FUT8: variants seen among roughly 807,000 people sequenced by gnomAD.
The protein encoded by FUT8 is alpha-(1,6)-fucosyltransferase.
A neutral mutation model predicts 71.3 loss-of-function variants in FUT8; 29 were observed. That is an observed-to-expected ratio of 0.41 (90% CI 0.30 to 0.55). FUT8 has a LOEUF of 0.55. Ranked by LOEUF, FUT8 falls within the 20% of genes least tolerant of loss-of-function variation. The pLI is 0.34. For synonymous variants in FUT8, 254 were observed against 239.3 expected (o/e 1.06, Z -0.57); for missense variants, 544 against 702.1 (o/e 0.77, Z 2.55).
chr14:65,425,152 G>GA (rs199838291), intron 1 of FUT8, among the ~76,000 whole-genome samples: 2 of 149,246 alleles, frequency 1.3e-5, no homozygotes, highest in East Asian at 3.9e-4. Flanking sequence ...AAAACAATTA[G>GA]AAAAAAAATG....
At position 65,738,094 on chromosome 14, in the gene FUT8, C is replaced by T. The variant is rs1896312760; in HGVS notation, c.1411-3999C>T. On this transcript the variant is annotated intron_variant, in intron 10 of 10. Coordinates refer to ENST00000673929, the MANE Select transcript of FUT8 (RefSeq NM_001371533.1). ...GAGCAGAAGACAAGAAAAGTATTTG[C>T]ATCCACAGAGGCTCTATCTAGCTTA... 2.6e-5 allele frequency among the ~76,000 whole-genome samples: 4 copies of T among 152,120 alleles called. No individual in the cohort carries two copies. The South Asian group carries it at 8.3e-4, about 32-fold the overall frequency.
At chr14:65,617,979 T>C (rs1002678686) in intron 5 of FUT8, among the ~76,000 whole-genome samples, 1 of 145,836 alleles carries the variant, frequency 6.9e-6, no homozygotes, top group Non-Finnish European at 1.5e-5. Flanking sequence ...AACTTGAGAA[T>C]TTAATTTTCC....
chr14:65,691,930 A>G (rs1163723228), intron 7 of FUT8, among the ~76,000 whole-genome samples: 1 of 152,220 alleles, frequency 6.6e-6, no homozygotes, highest in Non-Finnish European at 1.5e-5. Flanking sequence ...AAGGTCATAG[A>G]TCAACAGGAT....
chr14:65,416,772 T>A (rs1487674762), intron 1 of FUT8, among the ~76,000 whole-genome samples: 1 of 149,816 alleles, frequency 6.7e-6, no homozygotes, highest in Non-Finnish European at 1.5e-5. Flanking sequence ...TCTTTAATTT[T>A]TTTTTTTTTT....
In FUT8 at chr14:65,611,213, GCGCGCGCGCGCACACACACACACACACA is replaced by G. The variant is rs1566851019; in HGVS notation, c.204-4763_204-4736del. Among the ~76,000 whole-genome samples the G allele has an allele frequency of 5.6e-3, 35 of 6,262 alleles. 5 individuals carry two copies. Among genetic ancestry groups the G allele is most frequent in the Non-Finnish European group, 9.3e-3 (10 of 1,078 alleles). The allele number at this position is 6,262 out of a possible 152,430, so 4.1% of individuals were successfully genotyped here. On this transcript the variant is annotated intron_variant, in intron 3 of 10. Coordinates refer to ENST00000673929, the MANE Select transcript of FUT8 (RefSeq NM_001371533.1). ...CACACACACACGCGCGCGCGCGCGC[GCGCGCGCGCGCACACACACACACACACA>G]CACACACACACACACACACACACAC...
chr14:65,489,362 C>T lies in FUT8; in HGVS notation c.-228+33644C>T, dbSNP rs192189309. 5.9e-5 allele frequency among the ~76,000 whole-genome samples: 9 copies of T among 152,142 alleles called. No individual in the cohort carries two copies. The highest frequency in any genetic ancestry group is 1.3e-4 in the Admixed American group (2 of 15,268). ...TCTGGGACGTATCTCTTTTAGTCTC[C>T]GTATATTAAATCTTAGGGAACCTGA... On this transcript the variant is annotated intron_variant, in intron 2 of 10. Transcript: ENST00000673929. This position sits in a 1 kb window ranked among gnomAD's most constrained non-coding sequence, Gnocchi z 4.0.
At chr14:65,727,626 G>T (rs1468650665) in intron 9 of FUT8, among the ~76,000 whole-genome samples, 1 of 152,120 alleles carries the variant, frequency 6.6e-6, no homozygotes, top group African/African-American at 2.4e-5. Context: ...CCTCTGATGT[G>T]AGGGGCTGCC....
rs1885932968 is a variant in FUT8, at chr14:65,561,866, A to C, written c.203+100A>C. The C allele has an allele frequency of 5.3e-6, 5 of 938,196 alleles. No individual in the cohort carries two copies. In the Admixed American group the frequency reaches 6.9e-5, roughly 13 times the overall value. The allele number at this position is 938,196 out of a possible 1,614,324, so 58.1% of individuals were successfully genotyped here. ...AGGAAAAATAGTTAATTATTTTTAT[A>C]ACCTGCTGTCTTTGCCACAACTTAG... On this transcript the variant is annotated intron_variant, in intron 3 of 10. Transcript: ENST00000673929.
chr14:65,702,669 G>GT (rs1894364010), intron 7 of FUT8, among the ~76,000 whole-genome samples: 1 of 152,052 alleles, frequency 6.6e-6, no homozygotes, highest in Non-Finnish European at 1.5e-5. Flanking sequence ...GAGCTACCAG[G>GT]TAAGATGTTG....
chr14:65,565,897 A>C (rs1886168393), intron 3 of FUT8, among the ~76,000 whole-genome samples: 1 of 151,710 alleles, frequency 6.6e-6, no homozygotes, highest in Non-Finnish European at 1.5e-5. Flanking sequence ...CTTTGAAAAA[A>C]TTATTTTTAA....
At chr14:65,739,908 G>C (rs1240266781) in intron 10 of FUT8, among the ~76,000 whole-genome samples, 1 of 152,006 alleles carries the variant, frequency 6.6e-6, no homozygotes, top group Non-Finnish European at 1.5e-5. Flanking sequence ...ATGCTGAAAG[G>C]AATCTAATTA....
At chr14:65,454,447 C>G (rs763903400) in intron 1 of FUT8, among the ~76,000 whole-genome samples, 1 of 151,686 alleles carries the variant, frequency 6.6e-6, no homozygotes, top group Non-Finnish European at 1.5e-5. Context: ...GGCAACATAG[C>G]GAGACCCAGT....
At chr14:65,479,309 G>A (rs1260253663) in intron 2 of FUT8, among the ~76,000 whole-genome samples, 1 of 152,140 alleles carries the variant, frequency 6.6e-6, no homozygotes, top group Non-Finnish European at 1.5e-5. Flanking sequence ...TAGAATGGTT[G>A]GCCCAAATGA....
chr14:65,663,089 A>G (rs1159765340), intron 6 of FUT8, among the ~76,000 whole-genome samples: 2 of 152,116 alleles, frequency 1.3e-5, no homozygotes, highest in African/African-American at 2.4e-5. Flanking sequence ...AGACCCTTCT[A>G]TATATCTTGC....
At chr14:65,590,245 G>A (rs1048178362) in intron 3 of FUT8, among the ~76,000 whole-genome samples, 74 of 152,126 alleles carry the variant, frequency 4.9e-4, no homozygotes, top group East Asian at 1.5e-3. Flanking sequence ...TTTAATAACC[G>A]TTTGAAACAG....
At chr14:65,681,866 C>T (rs373777195) in intron 7 of FUT8, among the ~76,000 whole-genome samples, 42 of 152,236 alleles carry the variant, frequency 2.8e-4, no homozygotes, top group Non-Finnish European at 5.6e-4. Flanking sequence ...GTAGTACAGC[C>T]GCTGATACAG....
At chr14:65,681,563 ATAACT>A (rs1367956496) in intron 7 of FUT8, among the ~76,000 whole-genome samples, 1 of 152,212 alleles carries the variant, frequency 6.6e-6, no homozygotes, top group African/African-American at 2.4e-5. Flanking sequence ...AAAACTGAAA[ATAACT>A]TAGTTAAAAA....
chr14:65,634,319 T>C (rs1218788083), intron 6 of FUT8, among the ~76,000 whole-genome samples: 1 of 152,072 alleles, frequency 6.6e-6, no homozygotes, highest in South Asian at 2.1e-4. Flanking sequence ...TTAAATGGAT[T>C]AAGGGCGGTG....
rs1266820993 is a variant in FUT8, at chr14:65,733,380, A to G, written c.1409A>G (p.Gln470Arg). The G allele has an allele frequency of 6.3e-7, 1 of 1,583,040 alleles. No homozygotes were observed. The highest frequency in any genetic ancestry group is 1.8e-5 in the Admixed American group (1 of 54,178). The change falls in exon 10 of 11, where the codon CAG becomes CGG. Residue 470 changes from glutamine to arginine, a missense_variant and splice_region_variant. Physicochemically the swap from Gln to Arg is conservative, Grantham distance 43 (BLOSUM62 1). Transcript: ENST00000673929. The part of the protein sequence containing the change: ...ADFLVCTFSS[Q>R]VCRVAYEIMQ... ...TTCCTAGTGTGTACTTTTTCATCCC[A>G]GGTAAGTGTCAGTAGGGCATTTTAA...
Sources: allele counts gnomAD v4.1 joint callset (sites outside exome capture counted in the v4.1 genomes callset), GRCh38; gene constraint gnomAD v4.1.1; non-coding constraint Gnocchi (gnomAD v3.1); transcripts MANE v1.5; gene names NCBI Gene and HGNC (gene_info 2026-07-23, HGNC 2026-07-21).